MYCBP2: variants seen among roughly 807,000 people sequenced by gnomAD.
The protein encoded by MYCBP2 is E3 ubiquitin-protein ligase MYCBP2.
Under a neutral mutation model 525.3 loss-of-function variants are expected in MYCBP2, and 120 were observed. That is an observed-to-expected ratio of 0.23 (90% confidence interval 0.20 to 0.27). The LOEUF (loss-of-function observed/expected upper bound fraction) is 0.27, where lower values mean the gene tolerates loss of function less well. Ranked by LOEUF, MYCBP2 falls within the 10% of genes least tolerant of loss-of-function variation. The pLI, the probability that MYCBP2 is intolerant of heterozygous loss-of-function variation, is 1.00. For synonymous variants in MYCBP2, 1,894 were observed against 1,955.8 expected, an observed-to-expected ratio of 0.97 and a Z score of 0.83; for missense variants, 4,149 against 5,657.1, an observed-to-expected ratio of 0.73 and a Z score of 8.55.
chr13:77,267,336 TA>T (rs1302969524), intron 8 of MYCBP2, among the ~76,000 whole-genome samples: 1,668 of 146,636 alleles, frequency 0.011, 37 homozygotes, highest in African/African-American at 0.039. Context: ...ATGATGAAAT[TA>T]AAAAAAAAAA....
intron 27 of MYCBP2, among the ~76,000 whole-genome samples, chr13:77,192,871 G>A (rs1242194427): frequency 6.6e-6 from 1 of 152,126 alleles, no homozygotes; most frequent in Non-Finnish European, 1.5e-5. Flanking sequence ...GCTCATTCCT[G>A]TAATCCCAGC....
intron 76 of MYCBP2, among the ~76,000 whole-genome samples, chr13:77,059,892 AG>A (rs2038954664): frequency 6.6e-6 from 1 of 152,292 alleles, no homozygotes; most frequent in Admixed American, 6.5e-5. Flanking sequence ...CTAGACTTCT[AG>A]TCAAGTTACC....
intron 2 of MYCBP2, among the ~76,000 whole-genome samples, chr13:77,288,689 A>C (rs1389473465): frequency 6.6e-6 from 1 of 152,244 alleles, no homozygotes; most frequent in Non-Finnish European, 1.5e-5. Flanking sequence ...TTCTGTATCA[A>C]AGGAAATTCA....
intron 36 of MYCBP2, among the ~76,000 whole-genome samples, 168 bp from the exon 37 acceptor site, chr13:77,174,657 C>T (rs757617038): frequency 7.3e-5 from 11 of 151,492 alleles, no homozygotes; most frequent in Non-Finnish European, 1.5e-4. Context: ...CTAACATTTA[C>T]TGAACACCTG....
intron 26 of MYCBP2, among the ~76,000 whole-genome samples, chr13:77,197,929 T>C (rs2061932857): frequency 6.6e-6 from 1 of 152,054 alleles, no homozygotes; most frequent in African/African-American, 2.4e-5. Context: ...AGGGCCAATA[T>C]AAAAACAACA....
chr13:77,192,532 AAAG>A (rs1265832896), intron 27 of MYCBP2, among the ~76,000 whole-genome samples: 2 of 152,244 alleles, frequency 1.3e-5, no homozygotes, highest in Non-Finnish European at 2.9e-5. Context: ...GCTGGAATTG[AAAG>A]AAGAATAAAG....
intron 14 of MYCBP2, among the ~76,000 whole-genome samples, chr13:77,253,835 T>G (rs2071654568): frequency 6.6e-6 from 1 of 151,892 alleles, no homozygotes; most frequent in South Asian, 2.1e-4. Context: ...CTGGTGAGAG[T>G]ATAAATTGTT....
At chr13:77,137,692 G>A (rs556867429) in intron 52 of MYCBP2, among the ~76,000 whole-genome samples, 4 of 152,204 alleles carry the variant, frequency 2.6e-5, no homozygotes, top group East Asian at 3.9e-4. Context: ...GAGTTCCAGC[G>A]ATTCTCCCGC....
chr13:77,288,341 A>G lies in MYCBP2; in HGVS notation c.414T>C (p.Asp138=). Residue 138 remains aspartate (D), a synonymous_variant, in exon 3 of 83, where the codon GAT becomes GAC. Transcript: ENST00000544440. ...ENLENTVIIP[D]IKLHSNPSAF... is the part of the protein sequence containing the mutation. The stretch of plus-strand genomic sequence containing the variant: ...CAGAAGGATTGCTATGTAGTTTGAT[A>G]TCTGGTATGATTACTGTATTCTCTA... The G allele has an allele frequency of 6.2e-7, 1 of 1,614,010 alleles. No individual in the cohort carries two copies. The highest frequency in any genetic ancestry group is 1.1e-5 in the South Asian group (1 of 91,084).
chr13:77,235,411 A>C (rs2154305373), intron 17 of MYCBP2, among the ~76,000 whole-genome samples: 1 of 152,252 alleles, frequency 6.6e-6, no homozygotes, highest in African/African-American at 2.4e-5. Context: ...TAAAAGCATA[A>C]AGATATTAAA....
intron 15 of MYCBP2, among the ~76,000 whole-genome samples, chr13:77,246,889 TG>T (rs2070124998): frequency 6.6e-6 from 1 of 152,100 alleles, no homozygotes; most frequent in South Asian, 2.1e-4. Context: ...TCTCAATTGA[TG>T]TACAAAAAGC....
chr13:77,139,900 T>C, intron 51 of MYCBP2, 147 bp downstream of exon 51: 1 of 530,672 alleles, frequency 1.9e-6, no homozygotes, highest in South Asian at 3.1e-5. Flanking sequence ...TGAAACTCAA[T>C]GAACACATTC....
intron 59 of MYCBP2, 49 bp downstream of exon 59, chr13:77,093,116 T>C (rs17691989): frequency 0.019 from 28,386 of 1,524,898 alleles, 316 homozygotes; most frequent in Non-Finnish European, 0.022. Flanking sequence ...TCAAAGTCTT[T>C]CTTCCACCAA....
At chr13:77,323,814 C>A (rs34401764) in intron 1 of MYCBP2, among the ~76,000 whole-genome samples, 29,574 of 152,074 alleles carry the variant, frequency 0.19, 3,118 homozygotes, top group South Asian at 0.41. Flanking sequence ...TCAATAAACT[C>A]CCAGTCTTTA....
At chr13:77,141,997 G>T (rs1273567074) in intron 49 of MYCBP2, among the ~76,000 whole-genome samples, 1 of 151,972 alleles carries the variant, frequency 6.6e-6, no homozygotes, top group Non-Finnish European at 1.5e-5. Flanking sequence ...AAGTATTTTT[G>T]TTCAGCTTCA....
intron 17 of MYCBP2, among the ~76,000 whole-genome samples, chr13:77,240,758 A>G (rs1385060990): frequency 1.3e-5 from 2 of 152,232 alleles, no homozygotes; most frequent in African/African-American, 4.8e-5. Flanking sequence ...AGGGGAGGAC[A>G]TGGTTCCAAT....
intron 2 of MYCBP2, among the ~76,000 whole-genome samples, chr13:77,290,938 T>G (rs565289271): frequency 9.2e-5 from 14 of 152,252 alleles, no homozygotes; most frequent in Non-Finnish European, 1.9e-4. Flanking sequence ...AAATATATAA[T>G]AATTGTAAAT....
At chr13:77,295,825 C>T (rs1351281405) in intron 2 of MYCBP2, among the ~76,000 whole-genome samples, 1 of 152,140 alleles carries the variant, frequency 6.6e-6, no homozygotes, top group African/African-American at 2.4e-5. Context: ...TAAGGTCTCA[C>T]CTAATTCAAA....
intron 60 of MYCBP2, among the ~76,000 whole-genome samples, chr13:77,089,796 C>A (rs1298227448): frequency 6.6e-6 from 1 of 151,830 alleles, no homozygotes; most frequent in African/African-American, 2.4e-5. Context: ...AACTCCTGGT[C>A]CACAAAAGTT....
Sources: gnomAD v4.1 joint callset for allele counts (sites outside exome capture counted in the v4.1 genomes callset) on GRCh38, gnomAD v4.1.1 for gene constraint, MANE v1.5 for transcripts, NCBI Gene and HGNC (gene_info 2026-07-23, HGNC 2026-07-21) for gene names.